Variants in SHANK2 observed in about 807,000 individuals in gnomAD.
SHANK2 encodes the protein SH3 and multiple ankyrin repeat domains protein 2.
Under a neutral mutation model 133.7 loss-of-function variants are expected in SHANK2, and 43 were observed. The ratio of observed to expected loss-of-function variants is 0.32; its 90% CI spans 0.25 to 0.41. The LOEUF is 0.41. Among genes scored for constraint, SHANK2 ranks in the 10% least tolerant of loss-of-function variants. The pLI, the probability that SHANK2 is intolerant of heterozygous loss-of-function variation, is 1.00. For synonymous variants in SHANK2, 1,017 were observed against 952.8 expected (o/e 1.07, Z -1.24); for missense variants, 1,994 against 2,235.8 (o/e 0.89, Z 2.18).
chr11:70,717,447 C>A (rs1945962579), intron 14 of SHANK2, among the ~76,000 whole-genome samples: 1 of 152,196 alleles, frequency 6.6e-6, no homozygotes, highest in Admixed American at 6.5e-5. Flanking sequence ...ATCTTTATTT[C>A]CATTCTAAAT....
Position 71,094,545 on chromosome 11 carries a change from C to T in SHANK2, c.736G>A (p.Ala246Thr). 1 of 1,550,462 alleles carries T rather than the reference C, an allele frequency of 6.4e-7. No homozygotes were observed. ...GATGGGCCCGAGTTTACCTTCAGGGCAACTTGGTTCCTCGCTCGGGCAGCT... is the reference window on the plus strand; with the variant it reads ...GATGGGCCCGAGTTTACCTTCAGGGTAACTTGGTTCCTCGCTCGGGCAGCT... ...HKAARARNQV[A>T]LKTLLELGAS... The change falls in exon 7 of 26, where the codon GCC becomes ACC. Residue 246 changes from alanine to threonine, a missense_variant. By Grantham distance (58) the Ala-to-Thr change is moderately conservative. This residue lies in a region of SHANK2 where 653 missense variants were observed against 563.4 expected (regional missense o/e 1.16). Coordinates refer to ENST00000601538, the MANE Select transcript of SHANK2 (RefSeq NM_012309.5).
intron 14 of SHANK2, among the ~76,000 whole-genome samples, chr11:70,734,725 G>C (rs895697320): frequency 2.0e-5 from 3 of 152,206 alleles, no homozygotes; most frequent in African/African-American, 7.2e-5. Flanking sequence ...CCTCAAGACC[G>C]AAGGGTGCTG....
At chr11:70,678,796 C>A (rs1944963095) in intron 15 of SHANK2, among the ~76,000 whole-genome samples, 1 of 152,154 alleles carries the variant, frequency 6.6e-6, no homozygotes, top group Non-Finnish European at 1.5e-5. Context: ...CCGCCTCGGC[C>A]TCCTGAAGTG....
chr11:70,834,683 A>G (rs1337643906), intron 11 of SHANK2, among the ~76,000 whole-genome samples: 1 of 152,250 alleles, frequency 6.6e-6, no homozygotes, highest in East Asian at 1.9e-4. Flanking sequence ...GCTTTTATAA[A>G]TAACACAAGA....
chr11:71,103,622 T>A (rs1590914552), intron 6 of SHANK2, among the ~76,000 whole-genome samples: 1 of 152,314 alleles, frequency 6.6e-6, no homozygotes, highest in East Asian at 1.9e-4. Context: ...GCTTAACCAC[T>A]GATATGGTTT....
At chr11:70,769,826 T>TA (rs1947208909) in intron 14 of SHANK2, among the ~76,000 whole-genome samples, 1 of 29,860 alleles carries the variant, frequency 3.3e-5, no homozygotes, top group East Asian at 7.9e-4. Flanking sequence ...TGCACGTGTG[T>TA]AGGTGTGTGT....
Position 71,136,294 on chromosome 11 carries a change from C to T in SHANK2, c.207+10826G>A, listed in dbSNP as rs193215966. Among the ~76,000 whole-genome samples the T allele has an allele frequency of 1.2e-4, 18 of 151,930 alleles. No individual in the cohort carries two copies. In the East Asian group the frequency reaches 2.1e-3, roughly 18 times the overall value. ...AAGGAAACGTGGTGCATATGTGCAACGGAATACTACTCAGCCATAAAAAAG... is the reference window on the plus strand; with the variant it reads ...AAGGAAACGTGGTGCATATGTGCAATGGAATACTACTCAGCCATAAAAAAG... On this transcript the variant is annotated intron_variant, in intron 3 of 25. Coordinates refer to ENST00000601538, the MANE Select transcript of SHANK2 (RefSeq NM_012309.5).
At position 70,625,810 on chromosome 11, in the gene SHANK2, G is replaced by GAAAAAAAA. The variant is rs34147403; in HGVS notation, c.2061+34010_2061+34017dup. On this transcript the variant is annotated intron_variant, in intron 17 of 25. Transcript: ENST00000601538. ...GCCTCTTGGATCTCTGTGCAAAAAT[G>GAAAAAAAA]AAAAAAAAAAAAAAAAAAAAAAAAA... 1.7e-3 allele frequency among the ~76,000 whole-genome samples: 71 copies of GAAAAAAAA among 41,396 alleles called. 2 individuals carry two copies. Among genetic ancestry groups the GAAAAAAAA allele is most frequent in the Non-Finnish European group, 1.9e-3 (46 of 24,674 alleles). The allele number at this position is 41,396 out of a possible 152,430, so 27.2% of individuals were successfully genotyped here.
intron 2 of SHANK2, among the ~76,000 whole-genome samples, chr11:71,193,028 T>C (rs1205640783): frequency 2.0e-5 from 3 of 152,218 alleles, no homozygotes; most frequent in Non-Finnish European, 2.9e-5. Flanking sequence ...CAAACCTGGC[T>C]GTCTGGAAAG....
At chr11:70,789,873 G>A (rs1181263208) in intron 14 of SHANK2, among the ~76,000 whole-genome samples, 1 of 152,120 alleles carries the variant, frequency 6.6e-6, no homozygotes, top group African/African-American at 2.4e-5. Flanking sequence ...TACATGAATG[G>A]TGCTCACTGA....
At chr11:71,075,768 G>C (rs1370591296) in intron 8 of SHANK2, among the ~76,000 whole-genome samples, 1 of 152,192 alleles carries the variant, frequency 6.6e-6, no homozygotes, top group Non-Finnish European at 1.5e-5. Context: ...GTCCTTCGAC[G>C]TGCGACGGAC....
At chr11:70,837,584 A>G (rs1948838816) in intron 11 of SHANK2, among the ~76,000 whole-genome samples, 1 of 152,158 alleles carries the variant, frequency 6.6e-6, no homozygotes, top group African/African-American at 2.4e-5. Context: ...GTTTGCTTAT[A>G]TGGTCTTTCT....
At chr11:70,691,811 T>C (rs1555021117) in intron 15 of SHANK2, among the ~76,000 whole-genome samples, 1 of 152,050 alleles carries the variant, frequency 6.6e-6, no homozygotes, top group Admixed American at 6.6e-5. Flanking sequence ...GGAGAATCAC[T>C]TGAACCAGGG....
chr11:70,849,671 G>C (rs1949054080), intron 11 of SHANK2, among the ~76,000 whole-genome samples: 1 of 152,158 alleles, frequency 6.6e-6, no homozygotes, highest in Admixed American at 6.5e-5. Context: ...ATTTTCTTAT[G>C]AGGGCATTTA....
intron 24 of SHANK2, among the ~76,000 whole-genome samples, chr11:70,488,177 C>T (rs984787196): frequency 2.6e-5 from 4 of 152,190 alleles, no homozygotes; most frequent in Non-Finnish European, 5.9e-5. Flanking sequence ...CCACCATGCC[C>T]CTTCAGGCAT....
intron 11 of SHANK2, among the ~76,000 whole-genome samples, chr11:70,846,415 C>T (rs1333466320): frequency 6.6e-6 from 1 of 152,060 alleles, no homozygotes; most frequent in African/African-American, 2.4e-5. Flanking sequence ...AGGCATGTGC[C>T]ACCATGCCCG....
At chr11:70,914,052 A>G (rs1950233270) in intron 10 of SHANK2, among the ~76,000 whole-genome samples, 1 of 152,162 alleles carries the variant, frequency 6.6e-6, no homozygotes, top group African/African-American at 2.4e-5. Context: ...CAAGCAGAGA[A>G]CAGGGCGGCG....
intron 14 of SHANK2, among the ~76,000 whole-genome samples, chr11:70,735,873 G>A (rs1167052265): frequency 6.6e-6 from 1 of 151,910 alleles, no homozygotes; most frequent in Non-Finnish European, 1.5e-5. Flanking sequence ...AGGTGGCTGC[G>A]TGGTCATGCT....
chr11:71,138,805 AAAG>A (rs1339646269), intron 3 of SHANK2, among the ~76,000 whole-genome samples: 333 of 125,908 alleles, frequency 2.6e-3, no homozygotes, highest in African/African-American at 0.014. Context: ...AAAAAAAAAA[AAAG>A]AAAAGAAAAA....
Sources: allele counts gnomAD v4.1 joint callset (sites outside exome capture counted in the v4.1 genomes callset), GRCh38; gene constraint gnomAD v4.1.1; regional missense constraint gnomAD v4.1.1; transcripts MANE v1.5; gene names NCBI Gene and HGNC (gene_info 2026-07-23, HGNC 2026-07-21).